Variants in PLPPR5 observed in about 807,000 individuals in gnomAD.
PLPPR5 encodes phospholipid phosphatase related 5, also known as phospholipid phosphatase-related protein type 5.
PLPPR5 carries 16 observed loss-of-function variants against 33.9 expected under a neutral mutation model. That is an observed-to-expected ratio of 0.47 (90% CI 0.32 to 0.72). PLPPR5 has a LOEUF of 0.72. PLPPR5 is among the 30% of genes least tolerant of loss of function. The probability of loss-of-function intolerance (pLI) is 0.03; values close to 1 mark genes in which losing one functional copy is unlikely to be tolerated. For synonymous variants in PLPPR5, 163 were observed against 150.3 expected (o/e 1.08, Z -0.62); for missense variants, 301 against 406.7 (o/e 0.74, Z 2.23).
chr1:98,986,128 T>A (rs923580119), intron 1 of PLPPR5, among the ~76,000 whole-genome samples: 1 of 151,956 alleles, frequency 6.6e-6, no homozygotes, highest in African/African-American at 2.4e-5. Context: ...TATATTAAAT[T>A]AAGTAATGGA....
At chr1:98,897,485 A>G (rs947112015) in intron 5 of PLPPR5, among the ~76,000 whole-genome samples, 2 of 152,188 alleles carry the variant, frequency 1.3e-5, no homozygotes, top group Non-Finnish European at 2.9e-5. Flanking sequence ...ATGTTCTTAC[A>G]TCGTTAGACC....
At chr1:98,988,831 C>T (rs895836133) in intron 1 of PLPPR5, among the ~76,000 whole-genome samples, 3 of 152,132 alleles carry the variant, frequency 2.0e-5, no homozygotes, top group African/African-American at 7.2e-5. Flanking sequence ...GTTGTAATTT[C>T]TCAATCGGTG....
At chr1:98,922,611 G>A (rs905288360) in intron 3 of PLPPR5, among the ~76,000 whole-genome samples, 2 of 152,176 alleles carry the variant, frequency 1.3e-5, no homozygotes, top group African/African-American at 2.4e-5. Flanking sequence ...ATGCAATGCC[G>A]AGGTTGCTTT....
chr1:98,966,182 T>G (rs1046228155), intron 1 of PLPPR5, among the ~76,000 whole-genome samples: 2 of 152,218 alleles, frequency 1.3e-5, no homozygotes, highest in Admixed American at 6.5e-5. Context: ...TATGGTTCCC[T>G]TCTACTTACC....
rs1653012800 is a variant in PLPPR5, at chr1:99,004,757, G to A, written c.-86C>T. On this transcript the variant is annotated 5_prime_UTR_variant, in exon 1 of 6. Transcript: ENST00000263177. ...CCCCGGTCCGCCGAGGCAGCCACCG[G>A]GGGCGCGGCGGCGGAGGCGGCGGGA... The A allele has an allele frequency of 3.3e-6, 3 of 901,736 alleles. No homozygotes were observed. Among genetic ancestry groups the A allele is most frequent in the East Asian group, 8.3e-5 (2 of 24,016 alleles). The allele number at this position is 901,736 out of a possible 1,614,324, so 55.9% of individuals were successfully genotyped here.
chr1:98,951,745 AT>A (rs1650791974), intron 3 of PLPPR5, among the ~76,000 whole-genome samples: 1 of 152,212 alleles, frequency 6.6e-6, no homozygotes, highest in African/African-American at 2.4e-5. Flanking sequence ...TATTCCATAT[AT>A]TCTTTCTGCT....
chr1:98,988,211 C>T (rs1652328208), intron 1 of PLPPR5, among the ~76,000 whole-genome samples: 1 of 152,090 alleles, frequency 6.6e-6, no homozygotes, highest in Non-Finnish European at 1.5e-5. Flanking sequence ...AAAGTCAAAT[C>T]TGAAATTCTT....
intron 1 of PLPPR5, among the ~76,000 whole-genome samples, chr1:98,995,424 T>C (rs1199922369): frequency 1.3e-5 from 2 of 152,134 alleles, no homozygotes; most frequent in African/African-American, 4.8e-5. Context: ...TGCGATTTAC[T>C]TATAACAAAC....
chr1:99,001,275 C>T (rs1182352952), intron 1 of PLPPR5, among the ~76,000 whole-genome samples: 1 of 151,850 alleles, frequency 6.6e-6, no homozygotes, highest in Non-Finnish European at 1.5e-5. Context: ...GCTGGGACTA[C>T]AGGCGCCCGC....
chr1:98,940,618 C>G (rs2101191146), intron 3 of PLPPR5, among the ~76,000 whole-genome samples: 1 of 151,860 alleles, frequency 6.6e-6, no homozygotes, highest in East Asian at 1.9e-4. Flanking sequence ...ATAACTCATG[C>G]TTTAGGGGTG....
At chr1:98,987,246 T>C (rs1162822666) in intron 1 of PLPPR5, among the ~76,000 whole-genome samples, 2 of 151,824 alleles carry the variant, frequency 1.3e-5, no homozygotes, top group African/African-American at 4.8e-5. Context: ...GTCTCTTATG[T>C]AGTATAAGAG....
At chr1:98,921,762 T>C in intron 4 of PLPPR5, 120 bp downstream of exon 4, 1 of 762,150 alleles carries the variant, frequency 1.3e-6, no homozygotes, top group Non-Finnish European at 2.1e-6. Flanking sequence ...TATACTTAAA[T>C]GAATGATTTG....
chr1:98,970,527 T>C (rs961449732), intron 1 of PLPPR5, among the ~76,000 whole-genome samples: 1 of 151,704 alleles, frequency 6.6e-6, no homozygotes, highest in Non-Finnish European at 1.5e-5. Flanking sequence ...TGTATATTTA[T>C]TATATAAATT....
intron 1 of PLPPR5, among the ~76,000 whole-genome samples, chr1:98,960,362 C>T (rs1484214669): frequency 6.6e-6 from 1 of 151,952 alleles, no homozygotes. Context: ...TGCCACCACA[C>T]CAGGTTAATT....
intron 1 of PLPPR5, among the ~76,000 whole-genome samples, chr1:98,990,242 G>T (rs1024442249): frequency 1.3e-5 from 2 of 151,940 alleles, no homozygotes; most frequent in South Asian, 4.2e-4. Flanking sequence ...GGTGGTGCAC[G>T]CCAGTAATCC....
At chr1:98,939,182 T>C (rs1557676700) in intron 3 of PLPPR5, among the ~76,000 whole-genome samples, 1 of 151,708 alleles carries the variant, frequency 6.6e-6, no homozygotes. Flanking sequence ...GCATATATAG[T>C]ATATTTTAAA....
intron 5 of PLPPR5, among the ~76,000 whole-genome samples, chr1:98,903,766 C>T (rs1396901144): frequency 6.6e-6 from 1 of 152,122 alleles, no homozygotes; most frequent in Admixed American, 6.6e-5. Flanking sequence ...GGGAAACCAT[C>T]ATTGTATCAA....
intron 1 of PLPPR5, among the ~76,000 whole-genome samples, chr1:98,959,776 G>A (rs1014215345): frequency 6.6e-6 from 1 of 152,118 alleles, no homozygotes; most frequent in East Asian, 1.9e-4. Flanking sequence ...TTGAGATAAG[G>A]CATCTCCCTC....
chr1:98,940,149 G>C lies in PLPPR5; in HGVS notation c.621+12921C>G, dbSNP rs114614790. ...GCACCAGGACAAAATGCCATAGGCC[G>C]AGTGGCATAAAAGACAGAATTTAAT... On this transcript the variant is annotated intron_variant, in intron 3 of 5. Coordinates refer to ENST00000263177, the MANE Select transcript of PLPPR5 (RefSeq NM_001037317.2). Among the ~76,000 whole-genome samples, 51 of 151,870 alleles carry C rather than the reference G, an allele frequency of 3.4e-4. 1 individual carries two copies. The highest frequency in any genetic ancestry group is 1.2e-3 in the African/African-American group (50 of 41,516).
Sources: gnomAD v4.1 joint callset for allele counts (sites outside exome capture counted in the v4.1 genomes callset) on GRCh38, gnomAD v4.1.1 for gene constraint, MANE v1.5 for transcripts, NCBI Gene and HGNC (gene_info 2026-07-23, HGNC 2026-07-21) for gene names.